Variants in NDUFAF1 observed in about 807,000 individuals in gnomAD.
The protein encoded by NDUFAF1 is NADH:ubiquinone oxidoreductase complex assembly factor 1, also known as complex I intermediate-associated protein 30, mitochondrial.
A neutral mutation model predicts 28.7 loss-of-function variants in NDUFAF1; 18 were observed. The ratio of observed to expected loss-of-function variants is 0.63; its 90% CI spans 0.43 to 0.93. The LOEUF (loss-of-function observed/expected upper bound fraction) is 0.93, where lower values mean the gene tolerates loss of function less well. NDUFAF1 is among the 40% of genes least tolerant of loss of function. The probability of loss-of-function intolerance (pLI) is 0.00; values close to 1 mark genes in which losing one functional copy is unlikely to be tolerated. For synonymous variants in NDUFAF1, 113 were observed against 139.7 expected (o/e 0.81, Z 1.35); for missense variants, 404 against 398.3 (o/e 1.01, Z -0.12).
Position 41,396,958 on chromosome 15 carries a change from C to G in NDUFAF1, c.102G>C (p.Glu34Asp). 6.2e-7 allele frequency: 1 copy of G among 1,612,594 alleles called. No homozygotes were observed. The highest frequency in any genetic ancestry group is 8.5e-7 in the Non-Finnish European group (1 of 1,179,320). Reference protein sequence around the residue: ...LYPFLGIRFAEYSSSLQKPVA... With the variant: ...LYPFLGIRFADYSSSLQKPVA... ...CTGGTTTCTGAAGACTACTGGAATA[C>G]TCTGCAAAGCGAATACCCAAAAATG... Residue 34 changes from glutamate (E) to aspartate (D), a missense_variant, in exon 2 of 5, where the codon GAG becomes GAC. By Grantham distance (45) the Glu-to-Asp change is conservative. Coordinates refer to ENST00000260361, the MANE Select transcript of NDUFAF1 (RefSeq NM_016013.4).
At chr15:41,392,519 GGT>G (rs1335890067) in intron 3 of NDUFAF1, among the ~76,000 whole-genome samples, 1 of 152,106 alleles carries the variant, frequency 6.6e-6, no homozygotes, top group African/African-American at 2.4e-5. Context: ...CCATGGGTGT[GGT>G]TTCCCCCATA....
intron 3 of NDUFAF1, among the ~76,000 whole-genome samples, chr15:41,392,066 C>CTT (rs1162627793): frequency 1.7e-5 from 2 of 115,696 alleles, no homozygotes; most frequent in East Asian, 2.5e-4. Flanking sequence ...GGACTTTATT[C>CTT]TTTTTTTTTT....
At chr15:41,400,037 G>T (rs1446492762) in intron 1 of NDUFAF1, among the ~76,000 whole-genome samples, 1 of 151,604 alleles carries the variant, frequency 6.6e-6, no homozygotes, top group East Asian at 1.9e-4. Context: ...TCCAGCTTGG[G>T]CAACAGAGCA....
In NDUFAF1 at chr15:41,392,066, C is replaced by CT. The variant is rs1162627793; in HGVS notation, c.759+2792dup. On this transcript the variant is annotated intron_variant, in intron 3 of 4. Transcript: ENST00000260361. ...CATGTGCAGGAGTTTGGACTTTATT[C>CT]TTTTTTTTTTTTTTTTTTTTTCTTG... 8.4e-3 allele frequency among the ~76,000 whole-genome samples: 970 copies of CT among 115,660 alleles called. 20 individuals are homozygous for CT. Among genetic ancestry groups the CT allele is most frequent in the East Asian group, 0.04 (161 of 4,038 alleles). 75.9% of individuals were successfully genotyped at this position (115,660 alleles called of 152,430 possible).
chr15:41,389,207 T>A (rs1181374823), intron 3 of NDUFAF1, among the ~76,000 whole-genome samples: 1 of 151,364 alleles, frequency 6.6e-6, no homozygotes, highest in Non-Finnish European at 1.5e-5. Flanking sequence ...CTCAGCTTCC[T>A]GAGTAGCTGG....
chr15:41,391,402 C>T (rs1008575867), intron 3 of NDUFAF1, among the ~76,000 whole-genome samples: 1 of 151,838 alleles, frequency 6.6e-6, no homozygotes, highest in Non-Finnish European at 1.5e-5. Flanking sequence ...GGGTGGATCA[C>T]TTGATGTCAG....
intron 3 of NDUFAF1, among the ~76,000 whole-genome samples, chr15:41,388,853 CT>C (rs1235098837): frequency 6.6e-5 from 10 of 150,742 alleles, no homozygotes; most frequent in Non-Finnish European, 1.5e-5. Flanking sequence ...CACCACTGCA[CT>C]TCAGCCTGGG....
In NDUFAF1 at chr15:41,397,147, C is replaced by G. The variant is rs1467572266; in HGVS notation, c.-81-7G>C. The G allele has an allele frequency of 9.8e-7, 1 of 1,019,420 alleles. No homozygotes were observed. Among genetic ancestry groups the G allele is most frequent in the African/African-American group, 1.6e-5 (1 of 61,974 alleles). The allele number at this position is 1,019,420 out of a possible 1,614,324, so 63.1% of individuals were successfully genotyped here. On this transcript the variant is annotated splice_polypyrimidine_tract_variant and splice_region_variant and intron_variant, in intron 1 of 4. Transcript: ENST00000260361. ...GCAAATAGCCCAATTCTACCTATAACAGAAGAGACATTGAAGAATTATCAG... is the reference window on the plus strand; with the variant it reads ...GCAAATAGCCCAATTCTACCTATAAGAGAAGAGACATTGAAGAATTATCAG...
intron 3 of NDUFAF1, among the ~76,000 whole-genome samples, chr15:41,389,249 AT>A (rs749169325): frequency 0.32 from 37,418 of 117,144 alleles, 5,426 homozygotes; most frequent in African/African-American, 0.42. Context: ...CACCCGGCTA[AT>A]TTTTTTTTTT....
At chr15:41,389,771 A>C (rs1028344145) in intron 3 of NDUFAF1, among the ~76,000 whole-genome samples, 1 of 149,736 alleles carries the variant, frequency 6.7e-6, no homozygotes, top group Non-Finnish European at 1.5e-5. Context: ...GTCTCAAATA[A>C]GTAAATAAAT....
chr15:41,396,475 G>A lies in NDUFAF1; in HGVS notation c.573+12C>T, dbSNP rs1284379118. 2 of 1,613,288 alleles carry A rather than the reference G, an allele frequency of 1.2e-6. No individual in the cohort carries two copies. Among genetic ancestry groups the A allele is most frequent in the Non-Finnish European group, 1.7e-6 (2 of 1,179,400 alleles). ...GTTTACTAGAAAACGATGGCTCCTG[G>A]GCCTCACCTACCCTTGGAATCCTGG... On this transcript the variant is annotated intron_variant, in intron 2 of 4. Transcript: ENST00000260361.
intron 1 of NDUFAF1, among the ~76,000 whole-genome samples, chr15:41,399,559 A>G (rs1445316810): frequency 1.3e-5 from 2 of 149,078 alleles, no homozygotes; most frequent in Admixed American, 6.7e-5. Flanking sequence ...CTCTGTCTCA[A>G]AAAAAAAAAT....
At chr15:41,399,851 T>G (rs868019492) in intron 1 of NDUFAF1, among the ~76,000 whole-genome samples, 938 of 81,162 alleles carry the variant, frequency 0.012, 14 homozygotes, top group African/African-American at 0.048. Context: ...GCGAGACTCC[T>G]TCTCAAAAAA....
chr15:41,397,216 G>A (rs545637124), intron 1 of NDUFAF1, 76 bp from the exon 2 acceptor site: 9 of 632,560 alleles, frequency 1.4e-5, no homozygotes, highest in Non-Finnish European at 1.9e-5. Flanking sequence ...ACAGAAATCA[G>A]GTATTTTGAA....
In NDUFAF1 at chr15:41,387,410, C is replaced by T. The variant is rs776040022; in HGVS notation, c.*34G>A. On this transcript the variant is annotated 3_prime_UTR_variant, in exon 5 of 5. Transcript: ENST00000260361. The stretch of plus-strand genomic sequence containing the variant: ...CTATATCATTGTAGATGCTAGTACC[C>T]TTAGATTAGTAAAACAAAACTACCA... 6.3e-7 allele frequency: 1 copy of T among 1,598,990 alleles called. No individual in the cohort carries two copies. The highest frequency in any genetic ancestry group is 1.3e-5 in the African/African-American group (1 of 74,710).
rs377321530 is a variant in NDUFAF1 at position 41,397,079 on chromosome 15, G to T, written c.-20C>A. 5.0e-6 allele frequency: 8 copies of T among 1,611,004 alleles called. No individual in the cohort carries two copies. Among genetic ancestry groups the T allele is most frequent in the Non-Finnish European group, 5.1e-6 (6 of 1,178,168 alleles). The stretch of plus-strand genomic sequence containing the variant: ...AGCCATGGTACAAAAAAATCAAAAT[G>T]TAAGTTTCTTCCTGGGCTAGCAAGG... On this transcript the variant is annotated 5_prime_UTR_variant, in exon 2 of 5. Coordinates refer to ENST00000260361, the MANE Select transcript of NDUFAF1 (RefSeq NM_016013.4).
In NDUFAF1 at chr15:41,387,570, C is replaced by T; in HGVS notation, c.858G>A (p.Leu286=). 2 of 1,610,194 alleles carry T rather than the reference C, an allele frequency of 1.2e-6. 1 individual carries two copies. The highest frequency in any genetic ancestry group is 2.2e-5 in the South Asian group (2 of 91,004). Residue 286 remains leucine, a synonymous_variant, in exon 5 of 5, where the codon TTG becomes TTA. Coordinates refer to ENST00000260361, the MANE Select transcript of NDUFAF1 (RefSeq NM_016013.4). ...LDKISSIGFT[L]ADKVDGPFFL... Reference sequence around the variant, plus strand: ...AGAATGGACCATCCACTTTATCAGCCAAGGTGAATCCTATAGAAGAGATCT... The same window carrying T: ...AGAATGGACCATCCACTTTATCAGCTAAGGTGAATCCTATAGAAGAGATCT...
At chr15:41,390,924 C>T (rs11634509) in intron 3 of NDUFAF1, among the ~76,000 whole-genome samples, 6 of 151,260 alleles carry the variant, frequency 4.0e-5, no homozygotes, top group Admixed American at 1.3e-4. Flanking sequence ...CCCAGCTACT[C>T]GGGAGGCTGA....
chr15:41,402,790 G>A (rs1448354984), upstream of NDUFAF1, among the ~76,000 whole-genome samples: 2 of 144,876 alleles, frequency 1.4e-5, no homozygotes, highest in African/African-American at 2.6e-5. Context: ...GGAGTGCAGT[G>A]GCGCGATCTC....
Sources: gnomAD v4.1 joint callset for allele counts (sites outside exome capture counted in the v4.1 genomes callset) on GRCh38, gnomAD v4.1.1 for gene constraint, MANE v1.5 for transcripts, NCBI Gene and HGNC (gene_info 2026-07-23, HGNC 2026-07-21) for gene names.